Variants in ABCA13 observed in about 807,000 individuals in gnomAD.
The protein encoded by ABCA13 is ATP binding cassette subfamily A member 13.
Under a neutral mutation model 478.7 loss-of-function variants are expected in ABCA13, and 476 were observed. The ratio of observed to expected loss-of-function variants is 0.99; its 90% CI spans 0.92 to 1.07. The LOEUF (loss-of-function observed/expected upper bound fraction) is 1.07. Among genes scored for constraint, ABCA13 ranks in the 50% least tolerant of loss-of-function variants. The pLI, the probability that ABCA13 is intolerant of heterozygous loss-of-function variation, is 0.00. For missense variants in ABCA13, 6,060 were observed against 5,910.6 expected (o/e 1.03, Z -0.83); for synonymous variants, 2,252 against 2,158.9 (o/e 1.04, Z -1.20).
chr7:48,245,681 A>C (rs1791556965), intron 12 of ABCA13, 69 bp downstream of exon 12: 1 of 1,524,334 alleles, frequency 6.6e-7, no homozygotes, highest in South Asian at 1.2e-5. Context: ...TGCAATATTC[A>C]GTTTTGCTCC....
At chr7:48,182,045 G>A (rs1476239604) in intron 1 of ABCA13, among the ~76,000 whole-genome samples, 1 of 151,952 alleles carries the variant, frequency 6.6e-6, no homozygotes, top group Non-Finnish European at 1.5e-5. Flanking sequence ...CACCTCCCCT[G>A]CTGTATGGCC....
At chr7:48,427,049 A>G (rs891749174) in intron 41 of ABCA13, among the ~76,000 whole-genome samples, 1 of 152,116 alleles carries the variant, frequency 6.6e-6, no homozygotes, top group African/African-American at 2.4e-5. Flanking sequence ...CCCAATGTTT[A>G]TTTTAGAGAT....
intron 55 of ABCA13, among the ~76,000 whole-genome samples, chr7:48,579,584 T>C (rs1788505241): frequency 6.6e-6 from 1 of 152,116 alleles, no homozygotes; most frequent in African/African-American, 2.4e-5. Flanking sequence ...AAACTAAATA[T>C]AGTCTTCCCA....
intron 3 of ABCA13, among the ~76,000 whole-genome samples, chr7:48,209,623 C>T (rs1458637363): frequency 6.6e-6 from 1 of 151,980 alleles, no homozygotes; most frequent in Non-Finnish European, 1.5e-5. Flanking sequence ...TTATTTATTT[C>T]TTCTAAGTTT....
At chr7:48,465,075 G>A (rs560282663) in intron 43 of ABCA13, among the ~76,000 whole-genome samples, 15 of 152,278 alleles carry the variant, frequency 9.9e-5, no homozygotes, top group South Asian at 2.1e-4. Flanking sequence ...TCTGGGCTGC[G>A]CTGGCTAGGC....
chr7:48,437,234 C>T (rs1355701526), intron 42 of ABCA13, among the ~76,000 whole-genome samples: 1 of 151,960 alleles, frequency 6.6e-6, no homozygotes, highest in Non-Finnish European at 1.5e-5. Flanking sequence ...GGTACGTCTT[C>T]TTAGTGAATT....
intron 23 of ABCA13, among the ~76,000 whole-genome samples, chr7:48,305,462 C>A (rs1459463816): frequency 6.6e-6 from 1 of 152,218 alleles, no homozygotes; most frequent in African/African-American, 2.4e-5. Context: ...TTTTTAAATA[C>A]CTGCGCTCCT....
At chr7:48,189,164 G>C (rs1378677299) in intron 1 of ABCA13, among the ~76,000 whole-genome samples, 2 of 152,182 alleles carry the variant, frequency 1.3e-5, no homozygotes, top group Non-Finnish European at 2.9e-5. Flanking sequence ...GTCAGCAATG[G>C]AAGGTCTGAG....
chr7:48,535,175 T>G (rs1415974922), intron 55 of ABCA13, among the ~76,000 whole-genome samples: 1 of 152,158 alleles, frequency 6.6e-6, no homozygotes, highest in East Asian at 1.9e-4. Context: ...TAGCTGCTGT[T>G]TAGATTCTTT....
At chr7:48,323,105 G>A (rs558942100) in intron 27 of ABCA13, among the ~76,000 whole-genome samples, 1 of 152,176 alleles carries the variant, frequency 6.6e-6, no homozygotes, top group African/African-American at 2.4e-5. Flanking sequence ...TAAAGGGCGT[G>A]TGGGTTTTTT....
chr7:48,620,170 G>A (rs574289569), intron 59 of ABCA13, among the ~76,000 whole-genome samples: 4 of 139,006 alleles, frequency 2.9e-5, no homozygotes, highest in African/African-American at 5.8e-5. Flanking sequence ...AGGAAATAGC[G>A]AAATATCTTA....
rs187298563 is a variant in ABCA13 at position 48,246,624 on chromosome 7, C to A, written c.1659+594C>A. Among the ~76,000 whole-genome samples, 1,159 of 152,024 alleles carry A rather than the reference C, an allele frequency of 7.6e-3. 12 individuals carry two copies. The highest frequency in any genetic ancestry group is 0.02 in the Middle Eastern group (6 of 294). Reference sequence around the variant, plus strand: ...CCTTTTTTTTTTATATCCTTATATACCATGGAAATAAAACCAGTGAAATAA... The same window carrying A: ...CCTTTTTTTTTTATATCCTTATATAACATGGAAATAAAACCAGTGAAATAA... On this transcript the variant is annotated intron_variant, in intron 13 of 61. Coordinates refer to ENST00000435803, the MANE Select transcript of ABCA13 (RefSeq NM_152701.5).
intron 15 of ABCA13, among the ~76,000 whole-genome samples, chr7:48,259,409 A>G (rs1793852721): frequency 6.6e-6 from 1 of 152,048 alleles, no homozygotes; most frequent in African/African-American, 2.4e-5. Context: ...TGTCTAAAGC[A>G]AACTATAGCA....
chr7:48,528,265 T>C lies in ABCA13; in HGVS notation c.14274T>C (p.Ala4758=). The C allele has an allele frequency of 6.3e-7, 1 of 1,578,126 alleles. No homozygotes were observed. The change falls in exon 55 of 62, where the codon GCT becomes GCC. Residue 4758 remains alanine (A), a synonymous_variant. Transcript: ENST00000435803. ...ECFGLLGVNG[A]GKSTTFKMLN... ...TTGGACTTCTAGGGGTGAATGGAGC[T>C]GGGAAGAGCACGACTTTCAAAATGC...
At chr7:48,529,584 T>C (rs1384260820) in intron 55 of ABCA13, among the ~76,000 whole-genome samples, 2 of 152,220 alleles carry the variant, frequency 1.3e-5, no homozygotes, top group South Asian at 4.1e-4. Flanking sequence ...AGAGAGGTTA[T>C]ATGTTCTTGA....
intron 3 of ABCA13, among the ~76,000 whole-genome samples, chr7:48,202,065 G>A (rs1798824178): frequency 6.6e-6 from 1 of 152,260 alleles, no homozygotes; most frequent in East Asian, 1.9e-4. Flanking sequence ...AGACCTTTGC[G>A]GTGACTGTTA....
intron 55 of ABCA13, among the ~76,000 whole-genome samples, chr7:48,548,072 A>G (rs985247319): frequency 6.6e-6 from 1 of 151,960 alleles, no homozygotes; most frequent in Non-Finnish European, 1.5e-5. Flanking sequence ...GTTGATGCAT[A>G]GCTAGAACTG....
intron 58 of ABCA13, among the ~76,000 whole-genome samples, chr7:48,597,171 C>G (rs1041247786): frequency 1.3e-5 from 2 of 152,044 alleles, no homozygotes; most frequent in African/African-American, 4.8e-5. Context: ...AGGATGGTCT[C>G]GATCTCCTGA....
chr7:48,547,661 T>TA (rs1378304568), intron 55 of ABCA13, among the ~76,000 whole-genome samples: 2 of 151,934 alleles, frequency 1.3e-5, no homozygotes, highest in Non-Finnish European at 2.9e-5. Flanking sequence ...GTAAAAATGA[T>TA]ACACATTTCA....
Sources: allele counts gnomAD v4.1 joint callset (sites outside exome capture counted in the v4.1 genomes callset), GRCh38; gene constraint gnomAD v4.1.1; transcripts MANE v1.5; gene names NCBI Gene and HGNC (gene_info 2026-07-23, HGNC 2026-07-21).